Variants in GLDC observed in about 807,000 individuals in gnomAD.
The protein encoded by GLDC is glycine dehydrogenase (decarboxylating), mitochondrial.
In GLDC, 104 loss-of-function variants were observed where a neutral mutation model predicts 121.3. The observed-to-expected ratio is 0.86, with a 90% confidence interval of 0.73 to 1.01. The LOEUF (loss-of-function observed/expected upper bound fraction) is 1.01, where lower values mean the gene tolerates loss of function less well. GLDC is among the 50% of genes least tolerant of loss of function. The probability of loss-of-function intolerance (pLI) is 0.00; values close to 1 mark genes in which losing one functional copy is unlikely to be tolerated. For missense variants in GLDC, 1,429 were observed against 1,306.6 expected (o/e 1.09, Z -1.44); for synonymous variants, 546 against 480.6 (o/e 1.14, Z -1.78).
intron 8 of GLDC, 102 bp from the exon 9 acceptor site, chr9:6,595,221 C>T: frequency 1.2e-6 from 1 of 817,400 alleles, no homozygotes; most frequent in Non-Finnish European, 2.2e-6. Context: ...AGCGACAAAA[C>T]AAAATGATCA....
intron 3 of GLDC, among the ~76,000 whole-genome samples, chr9:6,617,951 C>G (rs558337479): frequency 2.0e-5 from 3 of 152,294 alleles, no homozygotes; most frequent in South Asian, 4.1e-4. Context: ...ATATGTTAAT[C>G]TAAAAGCCAA....
chr9:6,602,306 A>G (rs1818631517), intron 7 of GLDC, 101 bp from the exon 8 acceptor site: 1 of 781,640 alleles, frequency 1.3e-6, no homozygotes, highest in Non-Finnish European at 2.2e-6. Context: ...AAGTGAATTC[A>G]GCAAATGCAC....
chr9:6,633,469 C>A (rs1255421192), intron 2 of GLDC, among the ~76,000 whole-genome samples: 2 of 152,160 alleles, frequency 1.3e-5, no homozygotes, highest in East Asian at 3.8e-4. Context: ...TCCACGAATA[C>A]CTCAAACCCA....
chr9:6,539,863 C>A (rs1245448104), intron 22 of GLDC, among the ~76,000 whole-genome samples, 188 bp downstream of exon 22: 1 of 152,154 alleles, frequency 6.6e-6, no homozygotes, highest in East Asian at 1.9e-4. Flanking sequence ...TTAATATCTT[C>A]TGAAGGGCAG....
chr9:6,589,631 C>T (rs80033379), intron 11 of GLDC, among the ~76,000 whole-genome samples: 2,549 of 152,074 alleles, frequency 0.017, 65 homozygotes, highest in African/African-American at 0.058. Flanking sequence ...TTCACCATGC[C>T]GCCCAGGCTG....
rs147868915 is a variant in GLDC at position 6,626,389 on chromosome 9, A to G, written c.335-6070T>C. Among the ~76,000 whole-genome samples, 901 of 152,334 alleles carry G rather than the reference A, an allele frequency of 5.9e-3. 4 individuals carry two copies. The highest frequency in any genetic ancestry group is 9.3e-3 in the Non-Finnish European group (632 of 68,034). ...GAAGGAGCAGGATTGAAATAAAAAG[A>G]TAAAAAATAAAAAGAAGCAGCTCAA... is the stretch of plus-strand genomic sequence containing the variant. On this transcript the variant is annotated intron_variant, in intron 2 of 24. Coordinates refer to ENST00000321612, the MANE Select transcript of GLDC (RefSeq NM_000170.3).
At chr9:6,630,373 A>G (rs1819351500) in intron 2 of GLDC, among the ~76,000 whole-genome samples, 1 of 152,204 alleles carries the variant, frequency 6.6e-6, no homozygotes, top group East Asian at 1.9e-4. Context: ...CCCAGGCATC[A>G]GTAGGCCATC....
At chr9:6,567,135 T>G (rs890357065) in intron 15 of GLDC, 1 of 137,012 alleles carries the variant, frequency 7.3e-6, no homozygotes. Flanking sequence ...AAATAAAAAA[T>G]AAAAAAAAAA....
chr9:6,628,397 C>T (rs1819291333), intron 2 of GLDC, among the ~76,000 whole-genome samples: 1 of 152,192 alleles, frequency 6.6e-6, no homozygotes, highest in Admixed American at 6.5e-5. Flanking sequence ...TGGACAAAAC[C>T]AGCTTGCTCC....
In GLDC at chr9:6,565,349, C is replaced by A; in HGVS notation, c.1926+5G>T. ...TGAGCAAGCGCCACCTCCTGCCATACTCACCGTTCTGTGCCCCTCTCCTTT... is the reference window on the plus strand; with the variant it reads ...TGAGCAAGCGCCACCTCCTGCCATAATCACCGTTCTGTGCCCCTCTCCTTT... On this transcript the variant is annotated splice_donor_5th_base_variant and intron_variant, in intron 16 of 24. Transcript: ENST00000321612. 1 of 1,608,616 alleles carries A rather than the reference C, an allele frequency of 6.2e-7. No individual in the cohort carries two copies. The highest frequency in any genetic ancestry group is 8.5e-7 in the Non-Finnish European group (1 of 1,174,870).
chr9:6,545,227 CTT>C (rs956167727), intron 21 of GLDC, among the ~76,000 whole-genome samples: 27 of 152,120 alleles, frequency 1.8e-4, no homozygotes, highest in Non-Finnish European at 3.8e-4. Context: ...TGTGAGATGA[CTT>C]TGTCATTGTG....
intron 3 of GLDC, among the ~76,000 whole-genome samples, chr9:6,612,145 CTT>C (rs1232198910): frequency 6.6e-5 from 10 of 151,910 alleles, no homozygotes; most frequent in African/African-American, 2.4e-4. Context: ...AAGCCAGTCT[CTT>C]CAAGCAAAAA....
At chr9:6,596,241 G>C (rs929154486) in intron 8 of GLDC, among the ~76,000 whole-genome samples, 6 of 152,208 alleles carry the variant, frequency 3.9e-5, no homozygotes, top group Non-Finnish European at 5.9e-5. Flanking sequence ...CAATATTGTA[G>C]AGGTTGGTTC....
chr9:6,594,740 A>C (rs62569000), intron 9 of GLDC, among the ~76,000 whole-genome samples: 4 of 148,676 alleles, frequency 2.7e-5, no homozygotes, highest in African/African-American at 5.2e-5. Flanking sequence ...AGAAAGCAAG[A>C]AAGCAAGCAA....
intron 18 of GLDC, among the ~76,000 whole-genome samples, chr9:6,555,278 C>CA (rs1817600086): frequency 6.6e-6 from 1 of 152,166 alleles, no homozygotes; most frequent in African/African-American, 2.4e-5. Flanking sequence ...AGAGGGAAGG[C>CA]AAGGCTCGCA....
intron 15 of GLDC, chr9:6,566,602 C>T (rs7039182): frequency 6.6e-6 from 1 of 151,900 alleles, no homozygotes; most frequent in Non-Finnish European, 1.5e-5. Flanking sequence ...GGGCATATGC[C>T]ATGACTAACA....
chr9:6,587,903 A>T (rs1818302573), intron 14 of GLDC, among the ~76,000 whole-genome samples: 1 of 152,170 alleles, frequency 6.6e-6, no homozygotes, highest in Non-Finnish European at 1.5e-5. Context: ...AAATGAAAGA[A>T]AGAAAAAAAA....
chr9:6,593,121 C>T, intron 9 of GLDC, 131 bp from the exon 10 acceptor site: 2 of 887,272 alleles, frequency 2.3e-6, no homozygotes, highest in Non-Finnish European at 3.6e-6. Context: ...TTGGTGATTG[C>T]TTTTTAAAAA....
chr9:6,621,796 G>A lies in GLDC; in HGVS notation c.335-1477C>T, dbSNP rs377391898. 5.3e-5 allele frequency among the ~76,000 whole-genome samples: 8 copies of A among 152,158 alleles called. No individual in the cohort carries two copies. In the East Asian group the frequency reaches 9.6e-4, roughly 18 times the overall value. ...CTCCCAAAGTGCTGGGATTACAGGC[G>A]TGAGCCACCGCGCCCTGCCACTGAA... is the stretch of plus-strand genomic sequence containing the variant. On this transcript the variant is annotated intron_variant, in intron 2 of 24. Coordinates refer to ENST00000321612, the MANE Select transcript of GLDC (RefSeq NM_000170.3).
Sources: gnomAD v4.1 joint callset for allele counts (sites outside exome capture counted in the v4.1 genomes callset) on GRCh38, gnomAD v4.1.1 for gene constraint, MANE v1.5 for transcripts, NCBI Gene and HGNC (gene_info 2026-07-23, HGNC 2026-07-21) for gene names.